IMMP2L: variants seen among roughly 807,000 people sequenced by gnomAD.
IMMP2L encodes inner mitochondrial membrane peptidase subunit 2.
In IMMP2L, 18 loss-of-function variants were observed where a neutral mutation model predicts 19.3. The observed-to-expected ratio is 0.93, with a 90% confidence interval of 0.64 to 1.38. The LOEUF (loss-of-function observed/expected upper bound fraction) is 1.38, where lower values mean the gene tolerates loss of function less well. Ranked by LOEUF, IMMP2L falls within the 40% of genes most tolerant of loss-of-function variation. The pLI is 0.00. For synonymous variants in IMMP2L, 76 were observed against 73.0 expected (o/e 1.04, Z -0.21); for missense variants, 233 against 218.2 (o/e 1.07, Z -0.43).
chr7:111,066,351 T>C (rs929169835), intron 3 of IMMP2L, among the ~76,000 whole-genome samples: 2 of 151,960 alleles, frequency 1.3e-5, no homozygotes, highest in Non-Finnish European at 2.9e-5. Flanking sequence ...ATAAATACTA[T>C]TGAGTGAATA....
intron 3 of IMMP2L, among the ~76,000 whole-genome samples, chr7:111,356,019 C>T (rs1828664711): frequency 1.3e-5 from 2 of 151,808 alleles, no homozygotes; most frequent in Non-Finnish European, 2.9e-5. Flanking sequence ...TCCACATAGG[C>T]AGAATTTAGA....
intron 4 of IMMP2L, among the ~76,000 whole-genome samples, chr7:110,897,713 A>G (rs1170871530): frequency 6.6e-6 from 1 of 152,178 alleles, no homozygotes; most frequent in Admixed American, 6.5e-5. Flanking sequence ...GGTTTAATAA[A>G]TGATGGTATG....
At chr7:111,485,053 G>A (rs1465925006) in intron 3 of IMMP2L, among the ~76,000 whole-genome samples, 1 of 152,078 alleles carries the variant, frequency 6.6e-6, no homozygotes, top group African/African-American at 2.4e-5. Flanking sequence ...CTCCCAAAGT[G>A]CCAGGATTAC....
At chr7:111,065,709 G>A (rs533650811) in intron 3 of IMMP2L, among the ~76,000 whole-genome samples, 160 of 152,146 alleles carry the variant, frequency 1.1e-3, no homozygotes, top group African/African-American at 3.6e-3. Context: ...CTCGAACATC[G>A]GACTCCAAGT....
At chr7:111,384,131 G>A (rs1584893237) in intron 3 of IMMP2L, among the ~76,000 whole-genome samples, 1 of 151,890 alleles carries the variant, frequency 6.6e-6, no homozygotes, top group East Asian at 1.9e-4. Flanking sequence ...GTGGCAGAGT[G>A]AGAGCCCCCA....
chr7:110,833,353 C>A (rs1177909509), intron 5 of IMMP2L, among the ~76,000 whole-genome samples: 1 of 149,618 alleles, frequency 6.7e-6, no homozygotes, highest in Non-Finnish European at 1.5e-5. Flanking sequence ...GCAGGAGAAT[C>A]GCTTGAACCT....
chr7:111,060,419 GAATTCCAC>G (rs1272608459), intron 3 of IMMP2L, among the ~76,000 whole-genome samples: 1 of 152,110 alleles, frequency 6.6e-6, no homozygotes, highest in Non-Finnish European at 1.5e-5. Context: ...TAATACTCAA[GAATTCCAC>G]TTTTCTCCCT....
chr7:110,982,313 G>T (rs774657007), intron 3 of IMMP2L, among the ~76,000 whole-genome samples: 3 of 152,126 alleles, frequency 2.0e-5, no homozygotes, highest in Non-Finnish European at 2.9e-5. Context: ...CCTCCAGGAA[G>T]AGGCTTCCAT....
intron 3 of IMMP2L, among the ~76,000 whole-genome samples, chr7:111,265,730 T>C (rs1450572205): frequency 1.3e-5 from 2 of 152,158 alleles, no homozygotes; most frequent in Non-Finnish European, 2.9e-5. Flanking sequence ...AGTGAGATGA[T>C]CCAGGTTTGA....
At chr7:111,032,132 G>T (rs1368794711) in intron 3 of IMMP2L, among the ~76,000 whole-genome samples, 1 of 152,122 alleles carries the variant, frequency 6.6e-6, no homozygotes, top group Non-Finnish European at 1.5e-5. Context: ...GTAGAGACAA[G>T]GTTTCGCTAT....
intron 5 of IMMP2L, 129 bp downstream of exon 5, chr7:110,886,464 A>C (rs1810229722): frequency 1.6e-6 from 1 of 614,524 alleles, no homozygotes; most frequent in Non-Finnish European, 3.0e-6. Flanking sequence ...GAAATTTTCA[A>C]ACATAAACTA....
intron 5 of IMMP2L, among the ~76,000 whole-genome samples, chr7:110,823,253 C>A (rs1803195213): frequency 6.6e-6 from 1 of 151,844 alleles, no homozygotes. Flanking sequence ...TAAATTATTT[C>A]TGTTCTTCCA....
intron 4 of IMMP2L, among the ~76,000 whole-genome samples, chr7:110,904,169 T>C (rs1812214874): frequency 6.6e-6 from 1 of 152,170 alleles, no homozygotes; most frequent in Admixed American, 6.5e-5. Flanking sequence ...CCCAGATATA[T>C]AGTTTGTAAA....
intron 4 of IMMP2L, among the ~76,000 whole-genome samples, chr7:110,940,002 T>C (rs1442217200): frequency 6.6e-6 from 1 of 152,120 alleles, no homozygotes; most frequent in Non-Finnish European, 1.5e-5. Context: ...GAGATCTAAT[T>C]CCAGAGATAT....
At chr7:110,953,067 C>T (rs913431575) in intron 4 of IMMP2L, among the ~76,000 whole-genome samples, 4 of 152,098 alleles carry the variant, frequency 2.6e-5, no homozygotes, top group Admixed American at 1.3e-4. Flanking sequence ...ATATGGGGAA[C>T]TCCCCACAGA....
intron 5 of IMMP2L, among the ~76,000 whole-genome samples, chr7:110,774,580 G>A (rs1433786820): frequency 6.6e-6 from 1 of 151,988 alleles, no homozygotes; most frequent in East Asian, 1.9e-4. Context: ...ATGATGGACT[G>A]CATATATGGT....
intron 3 of IMMP2L, among the ~76,000 whole-genome samples, chr7:111,401,212 A>G (rs1217282041): frequency 6.6e-6 from 1 of 152,184 alleles, no homozygotes; most frequent in East Asian, 1.9e-4. Flanking sequence ...ATCTGTAAAT[A>G]AAATACAATT....
chr7:110,741,507 C>T (rs1036692964), intron 5 of IMMP2L, among the ~76,000 whole-genome samples: 5 of 152,134 alleles, frequency 3.3e-5, no homozygotes, highest in Admixed American at 6.5e-5. Flanking sequence ...CCTTTTTCCA[C>T]GTGAGGACAC....
At chr7:110,980,610 T>C (rs1208029567) in intron 3 of IMMP2L, among the ~76,000 whole-genome samples, 4 of 152,172 alleles carry the variant, frequency 2.6e-5, no homozygotes, top group Admixed American at 2.6e-4. Flanking sequence ...CAGTGAGTTT[T>C]TACATGACTA....
Sources: gnomAD v4.1 joint callset for allele counts (sites outside exome capture counted in the v4.1 genomes callset) on GRCh38, gnomAD v4.1.1 for gene constraint, MANE v1.5 for transcripts, NCBI Gene and HGNC (gene_info 2026-07-23, HGNC 2026-07-21) for gene names.